The following SEM1 variants were observed in gnomAD, a reference collection of about 807,000 sequenced individuals.
SEM1 encodes the protein 26S proteasome complex subunit SEM1.
A neutral mutation model predicts 12.7 loss-of-function variants in SEM1; 3 were observed. That is an observed-to-expected ratio of 0.24 (90% CI 0.11 to 0.61). The LOEUF (loss-of-function observed/expected upper bound fraction) is 0.61, where lower values mean the gene tolerates loss of function less well. SEM1 is among the 20% of genes least tolerant of loss of function. The pLI is 0.88. For synonymous variants in SEM1, 30 were observed against 27.8 expected, an observed-to-expected ratio of 1.08 and a Z score of -0.25; for missense variants, 59 against 81.3, an observed-to-expected ratio of 0.73 and a Z score of 1.06.
downstream of SEM1, among the ~76,000 whole-genome samples, chr7:96,620,283 G>A (rs921517387): frequency 1.3e-5 from 2 of 152,086 alleles, no homozygotes; most frequent in African/African-American, 4.8e-5. Flanking sequence ...CTCAACAGCA[G>A]CCTGCGGCAG....
chr7:96,666,112 G>A (rs1416142073), intron 2 of SEM1, among the ~76,000 whole-genome samples: 3 of 152,182 alleles, frequency 2.0e-5, no homozygotes, highest in Non-Finnish European at 4.4e-5. Context: ...TCCCACTCTA[G>A]AGCCATTACA....
chr7:96,560,125 T>G (rs1488434012), intron 2 of SEM1, among the ~76,000 whole-genome samples: 1 of 152,190 alleles, frequency 6.6e-6, no homozygotes, highest in Non-Finnish European at 1.5e-5. Flanking sequence ...CTATTATAAA[T>G]AGTTCCGCAA....
At chr7:96,634,834 T>C (rs974074990) in intron 2 of SEM1, among the ~76,000 whole-genome samples, 1 of 151,250 alleles carries the variant, frequency 6.6e-6, no homozygotes. Context: ...TTGACAGGAG[T>C]TAGATTTTGT....
intron 2 of SEM1, among the ~76,000 whole-genome samples, chr7:96,585,262 C>A (rs1806578075): frequency 6.6e-6 from 1 of 152,156 alleles, no homozygotes; most frequent in South Asian, 2.1e-4. Flanking sequence ...CTGGGGGGTG[C>A]CTCCCAGTTA....
intron 2 of SEM1, among the ~76,000 whole-genome samples, chr7:96,511,414 T>G (rs961221900): frequency 6.6e-6 from 1 of 152,112 alleles, no homozygotes; most frequent in Non-Finnish European, 1.5e-5. Flanking sequence ...GATTGAAGAA[T>G]TATGAAAAGT....
chr7:96,573,858 T>G (rs1172567818), intron 2 of SEM1, among the ~76,000 whole-genome samples: 1 of 152,180 alleles, frequency 6.6e-6, no homozygotes, highest in Non-Finnish European at 1.5e-5. Context: ...TTTTCCAACT[T>G]GGTTCCATTC....
At chr7:96,647,486 G>A (rs1440614468) in intron 2 of SEM1, 2 of 152,052 alleles carry the variant, frequency 1.3e-5, no homozygotes, top group African/African-American at 2.4e-5. Flanking sequence ...CTAGCGATCC[G>A]GTATCCTAAA....
intron 2 of SEM1, among the ~76,000 whole-genome samples, chr7:96,523,708 T>A (rs1387444242): frequency 6.6e-6 from 1 of 152,066 alleles, no homozygotes; most frequent in African/African-American, 2.4e-5. Flanking sequence ...CCAGCTATCA[T>A]CCTCAAAAAC....
At chr7:96,709,397 A>G (rs1790576323) in intron 1 of SEM1, among the ~76,000 whole-genome samples, 1 of 152,228 alleles carries the variant, frequency 6.6e-6, no homozygotes, top group Admixed American at 6.5e-5. Flanking sequence ...AACCCAGGTG[A>G]ACAGTAAATG....
chr7:96,626,780 A>G (rs1201878003), intron 2 of SEM1, among the ~76,000 whole-genome samples: 2 of 152,122 alleles, frequency 1.3e-5, no homozygotes, highest in Non-Finnish European at 2.9e-5. Flanking sequence ...TGATTTTGGT[A>G]TCAGAGTAAT....
chr7:96,531,475 G>T (rs1415832288), intron 2 of SEM1, among the ~76,000 whole-genome samples: 1 of 151,332 alleles, frequency 6.6e-6, no homozygotes, highest in Non-Finnish European at 1.5e-5. Context: ...AGGGTGGTGT[G>T]CATCTGTAAT....
intron 2 of SEM1, among the ~76,000 whole-genome samples, chr7:96,552,741 C>G (rs536760679): frequency 6.6e-6 from 1 of 152,238 alleles, no homozygotes; most frequent in South Asian, 2.1e-4. Context: ...GTATTTATTT[C>G]CAGTTCTAGA....
intron 2 of SEM1, among the ~76,000 whole-genome samples, chr7:96,636,190 G>C (rs1456563181): frequency 6.6e-6 from 1 of 151,978 alleles, no homozygotes; most frequent in South Asian, 2.1e-4. Context: ...GAATGTCAAG[G>C]AAGATATATA....
At chr7:96,681,815 G>A (rs1789621850) in intron 2 of SEM1, among the ~76,000 whole-genome samples, 1 of 152,136 alleles carries the variant, frequency 6.6e-6, no homozygotes, top group African/African-American at 2.4e-5. Context: ...AAGCCAGGTA[G>A]TGTGATGCCT....
chr7:96,641,839 A>T (rs1249334843), intron 2 of SEM1, among the ~76,000 whole-genome samples: 1 of 151,952 alleles, frequency 6.6e-6, no homozygotes, highest in African/African-American at 2.4e-5. Context: ...ATGTTTATTA[A>T]GGTTTGAACA....
intron 2 of SEM1, among the ~76,000 whole-genome samples, chr7:96,579,858 G>A (rs1468510216): frequency 4.7e-4 from 71 of 152,030 alleles, no homozygotes; most frequent in Non-Finnish European, 1.5e-5. Flanking sequence ...AATTGGTGAA[G>A]GGTGCATAGG....
intron 2 of SEM1, among the ~76,000 whole-genome samples, chr7:96,679,658 G>A (rs151163747): frequency 6.6e-6 from 1 of 152,096 alleles, no homozygotes; most frequent in East Asian, 1.9e-4. Flanking sequence ...CAGGACATAA[G>A]GTTTAAATTG....
intron 2 of SEM1, among the ~76,000 whole-genome samples, chr7:96,665,896 C>T (rs1584847902): frequency 6.6e-6 from 1 of 152,200 alleles, no homozygotes. Flanking sequence ...GAGATACCAG[C>T]CCTGCAGATG....
chr7:96,576,556 C>T (rs1806209242), intron 2 of SEM1, among the ~76,000 whole-genome samples: 1 of 151,990 alleles, frequency 6.6e-6, no homozygotes, highest in African/African-American at 2.4e-5. Flanking sequence ...ACAATGCTTA[C>T]CTTTATAATT....
Sources: allele counts gnomAD v4.1 joint callset (sites outside exome capture counted in the v4.1 genomes callset), GRCh38; gene constraint gnomAD v4.1.1; transcripts MANE v1.5; gene names NCBI Gene and HGNC (gene_info 2026-07-23, HGNC 2026-07-21).